Variants in MTA3 observed in about 807,000 individuals in gnomAD.
MTA3 encodes the protein metastasis associated 1 family member 3.
A neutral mutation model predicts 83.5 loss-of-function variants in MTA3; 34 were observed. The observed-to-expected ratio is 0.41, with a 90% CI of 0.31 to 0.54. MTA3 has a LOEUF of 0.54. Ranked by LOEUF, MTA3 falls within the 20% of genes least tolerant of loss-of-function variation. The pLI is 0.33. For missense variants in MTA3, 761 were observed against 726.4 expected (o/e 1.05, Z -0.55); for synonymous variants, 303 against 252.7 (o/e 1.20, Z -1.89).
chr2:42,637,216 G>A (rs1687285639), intron 4 of MTA3, among the ~76,000 whole-genome samples: 1 of 152,170 alleles, frequency 6.6e-6, no homozygotes, highest in Non-Finnish European at 1.5e-5. Context: ...TAGCAATTCT[G>A]TACTCCTTTG....
chr2:42,642,594 C>T (rs1292383072), intron 5 of MTA3, among the ~76,000 whole-genome samples: 1 of 150,710 alleles, frequency 6.6e-6, no homozygotes, highest in Non-Finnish European at 1.5e-5. Context: ...ACAAAAAAAT[C>T]AAACAATTCT....
At chr2:42,747,812 C>T (rs1453771536) in intron 16 of MTA3, among the ~76,000 whole-genome samples, 1 of 151,756 alleles carries the variant, frequency 6.6e-6, no homozygotes, top group South Asian at 2.1e-4. Context: ...ATTTGGTAAA[C>T]TATATATTAT....
At chr2:42,625,785 G>C (rs1219451650) in intron 4 of MTA3, among the ~76,000 whole-genome samples, 2 of 149,992 alleles carry the variant, frequency 1.3e-5, no homozygotes, top group African/African-American at 4.9e-5. Flanking sequence ...TCTGAACACA[G>C]TATCCTCACC....
intron 3 of MTA3, among the ~76,000 whole-genome samples, chr2:42,593,751 A>G (rs932810876): frequency 6.6e-6 from 1 of 152,024 alleles, no homozygotes; most frequent in Admixed American, 6.6e-5. Flanking sequence ...GTACACTACA[A>G]TGGAACCTGT....
chr2:42,502,513 A>G (rs937051435), intron 2 of MTA3, among the ~76,000 whole-genome samples: 2 of 152,252 alleles, frequency 1.3e-5, no homozygotes, highest in East Asian at 1.9e-4. Context: ...AGGGGTCCCA[A>G]TCCAGCCGGG....
intron 3 of MTA3, among the ~76,000 whole-genome samples, chr2:42,606,816 G>A (rs1683486520): frequency 1.3e-5 from 2 of 150,090 alleles, no homozygotes; most frequent in African/African-American, 4.9e-5. Flanking sequence ...ACGAGACTCC[G>A]TCTGCAATCC....
chr2:42,753,579 G>C lies in MTA3; in HGVS notation c.*180G>C. The C allele has an allele frequency of 1.4e-6, 2 of 1,412,342 alleles. No homozygotes were observed. The highest frequency in any genetic ancestry group is 2.7e-5 in the East Asian group (1 of 36,974). The allele number at this position is 1,412,342 out of a possible 1,614,324, so 87.5% of individuals were successfully genotyped here. ...TGTGGGAGTGCACGTTCCAAATCCT[G>C]TGTCTCCACGTGTGGATCAGCAGCA... On this transcript the variant is annotated 3_prime_UTR_variant, in exon 17 of 17. Coordinates refer to ENST00000405094, the MANE Select transcript of MTA3 (RefSeq NM_001330442.2).
chr2:42,525,006 G>A (rs1675621161), intron 2 of MTA3, among the ~76,000 whole-genome samples: 3 of 148,846 alleles, frequency 2.0e-5, no homozygotes, highest in South Asian at 2.1e-4. Context: ...TGTGCACAAC[G>A]TGCTGGTTTG....
chr2:42,502,796 T>A (rs534406699), intron 2 of MTA3, among the ~76,000 whole-genome samples: 2,410 of 28,124 alleles, frequency 0.086, 75 homozygotes, highest in Middle Eastern at 0.15. Flanking sequence ...AAACTCTGTC[T>A]CAAAAAAAAA....
chr2:42,516,829 G>T (rs1675166578), intron 2 of MTA3, among the ~76,000 whole-genome samples: 1 of 152,174 alleles, frequency 6.6e-6, no homozygotes, highest in African/African-American at 2.4e-5. Flanking sequence ...AATGAAGCAT[G>T]AAAATGCAGT....
At chr2:42,719,532 A>C (rs1278202551) in intron 15 of MTA3, among the ~76,000 whole-genome samples, 3 of 152,044 alleles carry the variant, frequency 2.0e-5, no homozygotes, top group Non-Finnish European at 4.4e-5. Context: ...ATAGGTTTTA[A>C]TTTTTTATTT....
chr2:42,578,270 T>G (rs1452716048), intron 2 of MTA3, among the ~76,000 whole-genome samples: 1 of 152,192 alleles, frequency 6.6e-6, no homozygotes, highest in Non-Finnish European at 1.5e-5. Flanking sequence ...ATGATTGACC[T>G]TCTTGAGAGC....
chr2:42,658,708 T>C (rs1689397759), intron 7 of MTA3, among the ~76,000 whole-genome samples: 1 of 152,168 alleles, frequency 6.6e-6, no homozygotes, highest in Non-Finnish European at 1.5e-5. Context: ...ATGTGTTCAC[T>C]TTACAGTAAC....
At chr2:42,662,993 T>A (rs1573525918) in intron 8 of MTA3, among the ~76,000 whole-genome samples, 1 of 10,904 alleles carries the variant, frequency 9.2e-5, no homozygotes, top group Admixed American at 1.5e-3. Flanking sequence ...CCTCCCAGAG[T>A]TGCTGGGATT....
intron 6 of MTA3, among the ~76,000 whole-genome samples, chr2:42,645,174 T>C (rs1467886924): frequency 3.1e-5 from 2 of 64,830 alleles, no homozygotes; most frequent in African/African-American, 6.5e-5. Context: ...AGACTCTGTC[T>C]CAAAAAAAAA....
intron 4 of MTA3, among the ~76,000 whole-genome samples, chr2:42,615,876 A>G (rs1684815581): frequency 6.7e-6 from 1 of 148,840 alleles, no homozygotes; most frequent in Non-Finnish European, 1.5e-5. Flanking sequence ...GCCTGCCACC[A>G]TGCCCGGCTA....
chr2:42,576,113 G>A (rs1365886554), intron 2 of MTA3, among the ~76,000 whole-genome samples: 4 of 152,202 alleles, frequency 2.6e-5, no homozygotes, highest in Non-Finnish European at 5.9e-5. Flanking sequence ...CAGGCACTAT[G>A]CTAGGCTCAG....
At chr2:42,594,148 C>T (rs1233262570) in intron 3 of MTA3, among the ~76,000 whole-genome samples, 1 of 151,324 alleles carries the variant, frequency 6.6e-6, no homozygotes, top group Non-Finnish European at 1.5e-5. Context: ...GGTGGGATTT[C>T]ACTATGTTGG....
At position 42,611,423 on chromosome 2, in the gene MTA3, C is replaced by T. The variant is rs111558549; in HGVS notation, c.317+1839C>T. On this transcript the variant is annotated intron_variant, in intron 4 of 16. Transcript: ENST00000405094. ...AAATGGACCCAGAGATCTTCCATGGCAGGAAGTATGTGATAAAGATACTGG... is the reference window on the plus strand; with the variant it reads ...AAATGGACCCAGAGATCTTCCATGGTAGGAAGTATGTGATAAAGATACTGG... Among the ~76,000 whole-genome samples the T allele has an allele frequency of 5.5e-3, 835 of 152,040 alleles. 2 individuals carry two copies. The highest frequency in any genetic ancestry group is 7.0e-3 in the Non-Finnish European group (473 of 68,010).
Sources: gnomAD v4.1 joint callset for allele counts (sites outside exome capture counted in the v4.1 genomes callset) on GRCh38, gnomAD v4.1.1 for gene constraint, MANE v1.5 for transcripts, NCBI Gene and HGNC (gene_info 2026-07-23, HGNC 2026-07-21) for gene names.